ATL1: variants seen among roughly 807,000 people sequenced by gnomAD.
ATL1 encodes atlastin GTPase 1, also known as atlastin-1.
A neutral mutation model predicts 75.5 loss-of-function variants in ATL1; 31 were observed. That is an observed-to-expected ratio of 0.41 (90% CI 0.31 to 0.55). ATL1 has a LOEUF of 0.55. Among genes scored for constraint, ATL1 ranks in the 20% least tolerant of loss-of-function variants. ATL1 has a pLI of 0.27. For synonymous variants in ATL1, 226 were observed against 233.3 expected (o/e 0.97, Z 0.28); for missense variants, 405 against 662.6 (o/e 0.61, Z 4.27).
At chr14:50,558,205 C>G (rs1300630801), upstream of ATL1, among the ~76,000 whole-genome samples, 1 of 152,006 alleles carries the variant, frequency 6.6e-6, no homozygotes, top group African/African-American at 2.4e-5. Flanking sequence ...TCTCTACATA[C>G]AAAAACAGCC....
chr14:50,616,455 GTTATTTATTTATTTATTTATTTATTTAT>G (rs200056004), intron 8 of ATL1, among the ~76,000 whole-genome samples: 2 of 141,250 alleles, frequency 1.4e-5, no homozygotes, highest in African/African-American at 5.2e-5. Context: ...ACCATGCCCG[GTTATTTATTTATTTATTTATTTATTTAT>G]TTATTTATTT....
chr14:50,564,521 C>T (rs921395742), intron 1 of ATL1, among the ~76,000 whole-genome samples: 7 of 151,390 alleles, frequency 4.6e-5, no homozygotes, highest in Non-Finnish European at 8.8e-5. Context: ...TGGTGGCATG[C>T]ACTTGTAATC....
intron 1 of ATL1, among the ~76,000 whole-genome samples, chr14:50,577,123 C>T (rs183118456): frequency 2.0e-4 from 30 of 152,200 alleles, no homozygotes; most frequent in Admixed American, 7.9e-4. Flanking sequence ...AATGCAGTGG[C>T]GCAATCTCAG....
At chr14:50,612,335 C>T (rs1595613854) in intron 6 of ATL1, among the ~76,000 whole-genome samples, 1 of 152,126 alleles carries the variant, frequency 6.6e-6, no homozygotes, top group Non-Finnish European at 1.5e-5. Context: ...GCTAGTTACA[C>T]AATGTGTTCA....
rs558981361 is a variant in ATL1 at position 50,548,900 on chromosome 14, G to A, written c.-139-11227G>A. On this transcript the variant is annotated intron_variant, in intron 1 of 13. Transcript: ENST00000441560. ...GTATAGGGCATTGCAACAAGCAGAG[G>A]CCATCACCACCAGAAAGCAGACCAC... Among the ~76,000 whole-genome samples, 26 of 152,184 alleles carry A rather than the reference G, an allele frequency of 1.7e-4. No individual in the cohort carries two copies. The East Asian group carries it at 5.0e-3, about 29-fold the overall frequency.
At chr14:50,602,596 G>T (rs2039281267) in intron 6 of ATL1, among the ~76,000 whole-genome samples, 1 of 151,966 alleles carries the variant, frequency 6.6e-6, no homozygotes, top group Non-Finnish European at 1.5e-5. Context: ...GACATGGTGG[G>T]TCTGTTTCTA....
intron 1 of ATL1, among the ~76,000 whole-genome samples, chr14:50,566,486 T>C (rs2140181110): frequency 6.6e-6 from 1 of 152,284 alleles, no homozygotes; most frequent in East Asian, 1.9e-4. Flanking sequence ...TTCCACAAGA[T>C]ATTTTGTTCA....
intron 6 of ATL1, among the ~76,000 whole-genome samples, chr14:50,602,043 G>A (rs1240827062): frequency 6.6e-6 from 1 of 152,072 alleles, no homozygotes; most frequent in Non-Finnish European, 1.5e-5. Flanking sequence ...GTTCTGTATT[G>A]GGATGATCAC....
In ATL1 at chr14:50,540,544, G is replaced by C. The variant is rs368060440; in HGVS notation, c.-140+7177G>C. Among the ~76,000 whole-genome samples, 11 of 152,304 alleles carry C rather than the reference G, an allele frequency of 7.2e-5. No homozygotes were observed. The East Asian group carries it at 7.7e-4, about 11-fold the overall frequency. On this transcript the variant is annotated intron_variant, in intron 1 of 13. Transcript: ENST00000441560. ...CTTGTAGCCTTTTACCAGGGTGATT[G>C]TGAGCTAAGGAATGGGTGATTCTCA...
intron 2 of ATL1, among the ~76,000 whole-genome samples, chr14:50,588,337 T>G (rs187430597): frequency 6.6e-6 from 1 of 152,350 alleles, no homozygotes; most frequent in East Asian, 1.9e-4. Context: ...AATAGGCACA[T>G]AATATTCTGA....
At chr14:50,549,910 TG>T (rs746860544) in intron 1 of ATL1, among the ~76,000 whole-genome samples, 2 of 152,326 alleles carry the variant, frequency 1.3e-5, no homozygotes, top group Non-Finnish European at 1.5e-5. Context: ...TGAATGGGCC[TG>T]TAAAATATGC....
intron 12 of ATL1, 97 bp downstream of exon 12, chr14:50,628,559 G>C (rs1397271572): frequency 7.8e-7 from 1 of 1,278,710 alleles, no homozygotes; most frequent in East Asian, 2.5e-5. Flanking sequence ...CAGATCAACA[G>C]GAATTGGGCC....
At chr14:50,623,984 A>G (rs1212882221) in intron 11 of ATL1, among the ~76,000 whole-genome samples, 2 of 152,132 alleles carry the variant, frequency 1.3e-5, no homozygotes, top group African/African-American at 4.8e-5. Context: ...GAAACAGGGA[A>G]GTGGAGGTTG....
chr14:50,620,573 A>G, intron 8 of ATL1, 26 bp from the exon 9 acceptor site: 1 of 1,606,376 alleles, frequency 6.2e-7, no homozygotes, highest in Non-Finnish European at 8.5e-7. Context: ...TTCCAAAAAT[A>G]ATAATGGATT....
At chr14:50,589,258 C>T (rs1327071684) in intron 2 of ATL1, among the ~76,000 whole-genome samples, 2 of 147,760 alleles carry the variant, frequency 1.4e-5, no homozygotes, top group African/African-American at 2.5e-5. Flanking sequence ...CTCCCGGGTT[C>T]AAGGATTCTC....
chr14:50,557,186 A>AT (rs1357119890), upstream of ATL1, among the ~76,000 whole-genome samples: 1 of 152,222 alleles, frequency 6.6e-6, no homozygotes, highest in Non-Finnish European at 1.5e-5. Flanking sequence ...CATAGTAAGC[A>AT]TTTTAAAACT....
intron 1 of ATL1, among the ~76,000 whole-genome samples, chr14:50,574,884 T>C (rs2140188491): frequency 6.8e-6 from 1 of 146,490 alleles, no homozygotes; most frequent in East Asian, 2.0e-4. Flanking sequence ...TATTTTTAAA[T>C]GTTTTTCATT....
chr14:50,574,948 T>C, intron 1 of ATL1, among the ~76,000 whole-genome samples: 1 of 126,260 alleles, frequency 7.9e-6, no homozygotes, highest in African/African-American at 3.2e-5. Context: ...TATATATATA[T>C]ATATATATAT....
intron 1 of ATL1, among the ~76,000 whole-genome samples, chr14:50,548,981 C>T (rs189181985): frequency 5.8e-4 from 89 of 152,276 alleles, no homozygotes; most frequent in African/African-American, 2.1e-3. Context: ...TAACCAAGCC[C>T]GTCTCTGGGG....
Sources: allele counts gnomAD v4.1 joint callset (sites outside exome capture counted in the v4.1 genomes callset), GRCh38; gene constraint gnomAD v4.1.1; transcripts MANE v1.5; gene names NCBI Gene and HGNC (gene_info 2026-07-23, HGNC 2026-07-21).